Variants in SEMA6D observed in about 807,000 individuals in gnomAD.
The protein encoded by SEMA6D is semaphorin-6D.
Under a neutral mutation model 106.6 loss-of-function variants are expected in SEMA6D, and 35 were observed. The ratio of observed to expected loss-of-function variants is 0.33; its 90% CI spans 0.25 to 0.44. The LOEUF is 0.44. Among genes scored for constraint, SEMA6D ranks in the 20% least tolerant of loss-of-function variants. SEMA6D has a pLI of 1.00. For missense variants in SEMA6D, 1,185 were observed against 1,345.9 expected, an observed-to-expected ratio of 0.88 and a Z score of 1.87; for synonymous variants, 499 against 487.7, an observed-to-expected ratio of 1.02 and a Z score of -0.31.
At chr15:47,612,362 C>A (rs940454677) in intron 4 of SEMA6D, among the ~76,000 whole-genome samples, 1 of 152,130 alleles carries the variant, frequency 6.6e-6, no homozygotes, top group Non-Finnish European at 1.5e-5. Flanking sequence ...ATCATCAGTC[C>A]CTTGCCTACC....
chr15:47,346,424 A>G (rs917268273), intron 1 of SEMA6D, among the ~76,000 whole-genome samples: 2 of 152,162 alleles, frequency 1.3e-5, no homozygotes, highest in African/African-American at 4.8e-5. Flanking sequence ...GTGGAAAACA[A>G]GAAGCTTAAA....
chr15:47,484,772 TG>T (rs200243870), intron 3 of SEMA6D, among the ~76,000 whole-genome samples: 38,936 of 152,038 alleles, frequency 0.26, 5,396 homozygotes, highest in Middle Eastern at 0.44. Flanking sequence ...TTTTCAATTC[TG>T]TTTCTCATTC....
intron 1 of SEMA6D, among the ~76,000 whole-genome samples, chr15:47,317,204 A>G (rs1205230709): frequency 6.6e-6 from 1 of 152,144 alleles, no homozygotes; most frequent in Non-Finnish European, 1.5e-5. Context: ...GAAGTTGTTC[A>G]TAGTATTCCT....
At chr15:47,706,115 G>T (rs1042119710) in intron 4 of SEMA6D, among the ~76,000 whole-genome samples, 8 of 152,198 alleles carry the variant, frequency 5.3e-5, no homozygotes, top group Non-Finnish European at 8.8e-5. Context: ...GCTGAAAACT[G>T]CCCCAGATCT....
intron 2 of SEMA6D, among the ~76,000 whole-genome samples, chr15:47,467,636 C>T (rs746475454): frequency 3.9e-5 from 6 of 152,078 alleles, no homozygotes; most frequent in Admixed American, 2.0e-4. Flanking sequence ...TAGGTGCTTG[C>T]GAAATGGAAG....
chr15:47,198,175 A>C lies in SEMA6D; in HGVS notation c.-239+13757A>C, dbSNP rs569173174. 8.6e-4 allele frequency among the ~76,000 whole-genome samples: 131 copies of C among 152,216 alleles called. 1 individual carries two copies. Among genetic ancestry groups the C allele is most frequent in the African/African-American group, 2.9e-3 (122 of 41,558 alleles). On this transcript the variant is annotated intron_variant, in intron 1 of 19. Coordinates refer to the SEMA6D transcript ENST00000558014. ...TGTGGAGAGTAGGATGGTGGTTACC[A>C]GGGGTTGGTGCAGAGGGTGGGAAGA...
chr15:47,487,126 A>G (rs2043318622), intron 3 of SEMA6D, among the ~76,000 whole-genome samples: 2 of 152,216 alleles, frequency 1.3e-5, no homozygotes, highest in Non-Finnish European at 2.9e-5. Context: ...TTTCGTAAAG[A>G]CAATCAAACA....
chr15:47,552,333 A>G (rs2045721334), intron 3 of SEMA6D, among the ~76,000 whole-genome samples: 1 of 152,062 alleles, frequency 6.6e-6, no homozygotes, highest in African/African-American at 2.4e-5. Context: ...AATGAGTAAC[A>G]ATAAAATAGC....
At chr15:47,453,189 A>T in intron 2 of SEMA6D, among the ~76,000 whole-genome samples, 1 of 151,940 alleles carries the variant, frequency 6.6e-6, no homozygotes, top group East Asian at 1.9e-4. Context: ...ATTAGGATAA[A>T]ATTTAATTTC....
intron 1 of SEMA6D, among the ~76,000 whole-genome samples, chr15:47,327,132 TG>T (rs1248472945): frequency 2.0e-5 from 3 of 152,212 alleles, no homozygotes; most frequent in African/African-American, 4.8e-5. Context: ...CCCCTGGAAC[TG>T]GGCCAGCATC....
At chr15:47,286,144 G>C (rs999992403) in intron 1 of SEMA6D, among the ~76,000 whole-genome samples, 3 of 152,006 alleles carry the variant, frequency 2.0e-5, no homozygotes, top group African/African-American at 7.2e-5. Flanking sequence ...TTATCTCCTT[G>C]GTCTCTGAAA....
intron 1 of SEMA6D, among the ~76,000 whole-genome samples, chr15:47,221,393 C>T (rs1001678626): frequency 2.6e-5 from 4 of 152,164 alleles, no homozygotes; most frequent in South Asian, 2.1e-4. Flanking sequence ...GCAACTCCCT[C>T]GGTGTTTCTC....
chr15:47,518,349 T>G (rs1373600912), intron 3 of SEMA6D, among the ~76,000 whole-genome samples: 2 of 152,168 alleles, frequency 1.3e-5, no homozygotes, highest in Non-Finnish European at 2.9e-5. Flanking sequence ...TAAAGGATCA[T>G]GAGGGTGGGA....
At chr15:47,586,701 G>A (rs2076346427) in intron 3 of SEMA6D, among the ~76,000 whole-genome samples, 1 of 152,014 alleles carries the variant, frequency 6.6e-6, no homozygotes, top group Non-Finnish European at 1.5e-5. Context: ...CTGGCTCATA[G>A]TAACAGTGAT....
intron 3 of SEMA6D, among the ~76,000 whole-genome samples, chr15:47,596,282 A>T (rs1346313401): frequency 6.6e-6 from 1 of 152,164 alleles, no homozygotes; most frequent in East Asian, 1.9e-4. Context: ...AAAGAAACTG[A>T]AGACACAAAT....
At chr15:47,341,769 G>A (rs1047444516) in intron 1 of SEMA6D, among the ~76,000 whole-genome samples, 4 of 152,098 alleles carry the variant, frequency 2.6e-5, no homozygotes, top group African/African-American at 9.7e-5. Flanking sequence ...AAACTCTATA[G>A]CTATAGGGCT....
At chr15:47,438,182 C>A (rs2041780630) in intron 2 of SEMA6D, among the ~76,000 whole-genome samples, 2 of 152,126 alleles carry the variant, frequency 1.3e-5, no homozygotes, top group South Asian at 4.1e-4. Context: ...CACATCTCAT[C>A]TATCAGAAAA....
chr15:47,552,243 G>A (rs560397325), intron 3 of SEMA6D, among the ~76,000 whole-genome samples: 17 of 152,020 alleles, frequency 1.1e-4, no homozygotes, highest in African/African-American at 4.1e-4. Context: ...AAAATACTGA[G>A]GAAAACCACA....
chr15:47,765,558 C>T, intron 13 of SEMA6D: 1 of 687,616 alleles, frequency 1.5e-6, no homozygotes, highest in East Asian at 6.8e-5. Context: ...CCATCTAACA[C>T]AGGAAAATTT....
Sources: allele counts gnomAD v4.1 joint callset (sites outside exome capture counted in the v4.1 genomes callset), GRCh38; gene constraint gnomAD v4.1.1; transcripts MANE v1.5; gene names NCBI Gene and HGNC (gene_info 2026-07-23, HGNC 2026-07-21).